The following SLC8A3 variants were observed in gnomAD, a reference collection of about 807,000 sequenced individuals.
SLC8A3 encodes sodium/calcium exchanger 3.
Under a neutral mutation model 65.4 loss-of-function variants are expected in SLC8A3, and 37 were observed. The observed-to-expected ratio is 0.57, with a 90% CI of 0.44 to 0.74. The LOEUF (loss-of-function observed/expected upper bound fraction) is 0.74, where lower values mean the gene tolerates loss of function less well. SLC8A3 is among the 30% of genes least tolerant of loss of function. The pLI is 0.00. For missense variants in SLC8A3, 1,112 were observed against 1,172.1 expected (o/e 0.95, Z 0.75); for synonymous variants, 461 against 444.5 (o/e 1.04, Z -0.47).
At chr14:70,186,624 A>G (rs1269572871) in intron 1 of SLC8A3, among the ~76,000 whole-genome samples, 1 of 152,164 alleles carries the variant, frequency 6.6e-6, no homozygotes, top group East Asian at 1.9e-4. Flanking sequence ...TCTACATTTC[A>G]TTTAAAGAAA....
At chr14:70,170,388 T>A (rs1239410662) in intron 1 of SLC8A3, among the ~76,000 whole-genome samples, 3 of 152,226 alleles carry the variant, frequency 2.0e-5, no homozygotes, top group Admixed American at 2.0e-4. Flanking sequence ...GAGGGTTTCT[T>A]CTTTGCACTC....
intron 2 of SLC8A3, among the ~76,000 whole-genome samples, chr14:70,115,998 G>A (rs971638628): frequency 6.6e-6 from 1 of 152,096 alleles, no homozygotes; most frequent in East Asian, 1.9e-4. Context: ...TTTGTCAGAC[G>A]CCTTCCAATG....
intron 3 of SLC8A3, among the ~76,000 whole-genome samples, 155 bp from the exon 4 acceptor site, chr14:70,052,269 T>C (rs546220816): frequency 2.3e-4 from 35 of 152,348 alleles, no homozygotes; most frequent in African/African-American, 7.9e-4. Context: ...TATGAAGTAC[T>C]AAACACTTTA....
chr14:70,168,560 C>T (rs1435059068), intron 1 of SLC8A3, 76 bp from the exon 2 acceptor site: 2 of 637,316 alleles, frequency 3.1e-6, no homozygotes, highest in Non-Finnish European at 5.5e-6. Flanking sequence ...ACCAATACAA[C>T]TGATGCTTCA....
At chr14:70,053,566 T>C (rs1041200011) in intron 3 of SLC8A3, among the ~76,000 whole-genome samples, 3 of 152,236 alleles carry the variant, frequency 2.0e-5, no homozygotes, top group Non-Finnish European at 4.4e-5. Flanking sequence ...ACTTTACATG[T>C]GACACAATAA....
intron 2 of SLC8A3, among the ~76,000 whole-genome samples, chr14:70,124,281 A>G (rs762047625): frequency 2.6e-5 from 4 of 152,164 alleles, no homozygotes; most frequent in Non-Finnish European, 2.9e-5. Flanking sequence ...GTCTGCTCTA[A>G]ATCCAGTGAC....
chr14:70,055,877 T>C, intron 3 of SLC8A3: 1 of 1,467,042 alleles, frequency 6.8e-7, no homozygotes, highest in Non-Finnish European at 9.4e-7. Flanking sequence ...ATGTCCCATC[T>C]TGAAAGTATC....
intron 2 of SLC8A3, among the ~76,000 whole-genome samples, chr14:70,098,590 G>A (rs3861683): frequency 0.19 from 28,735 of 152,088 alleles, 2,868 homozygotes; most frequent in Non-Finnish European, 0.22. Flanking sequence ...GCCCAGCAGC[G>A]CTTTCTGGAA....
intron 2 of SLC8A3, among the ~76,000 whole-genome samples, chr14:70,081,423 A>T (rs1891042819): frequency 6.6e-6 from 1 of 152,204 alleles, no homozygotes; most frequent in South Asian, 2.1e-4. Context: ...AAATTGCATC[A>T]CCTATCTCTT....
chr14:70,050,561 A>C lies in SLC8A3; in HGVS notation c.2113+447T>G, dbSNP rs375125005. 1.6e-4 allele frequency among the ~76,000 whole-genome samples: 24 copies of C among 152,270 alleles called. No individual in the cohort carries two copies. In the East Asian group the frequency reaches 4.6e-3, roughly 29 times the overall value. ...GGAATCATCCAGAGTGTTTTGTTGG[A>C]GAGTCAATGCAACACATTTTATAAA... On this transcript the variant is annotated intron_variant, in intron 5 of 6. Coordinates refer to ENST00000356921, the MANE Select transcript of SLC8A3 (RefSeq NM_182932.3).
Position 70,168,040 on chromosome 14 carries a change from A to T in SLC8A3, c.383T>A (p.Val128Asp), listed in dbSNP as rs542041616. 6.2e-7 allele frequency: 1 copy of T among 1,614,018 alleles called. No homozygotes were observed. Among genetic ancestry groups the T allele is most frequent in the Non-Finnish European group, 8.5e-7 (1 of 1,180,004 alleles). The change falls in exon 2 of 7, where the codon GTC (valine) becomes GAC (aspartate). Residue 128 changes from valine to aspartate, a missense_variant. Physicochemically the swap from Val to Asp is radical, Grantham distance 152. Coordinates refer to ENST00000356921, the MANE Select transcript of SLC8A3 (RefSeq NM_182932.3). ...NGETSTTTIR[V>D]WNETVSNLTL... ...CAGGTTGGAGACAGTTTCATTCCAG[A>T]CCCGAATAGTGGTTGTGCTGGTTTC...
At chr14:70,115,209 C>T (rs1056331251) in intron 2 of SLC8A3, among the ~76,000 whole-genome samples, 3 of 152,144 alleles carry the variant, frequency 2.0e-5, no homozygotes, top group Non-Finnish European at 4.4e-5. Context: ...TAGACCCCAG[C>T]GCAGCGCACT....
intron 2 of SLC8A3, among the ~76,000 whole-genome samples, chr14:70,146,004 G>A (rs970939381): frequency 1.3e-5 from 2 of 152,118 alleles, no homozygotes; most frequent in Non-Finnish European, 2.9e-5. Context: ...AGGCCCAGAA[G>A]ACAGCATGTC....
In SLC8A3 at chr14:70,167,211, A is replaced by T. The variant is rs1369551372; in HGVS notation, c.1212T>A (p.Ser404=). ...CCCCACAGTTCTCCAGGCACTGGTA[A>T]GAACATGGGTCAAAGAAGACCTTGG... The part of the protein sequence containing the change: ...FISKVFFDPC[S]YQCLENCGAV... Residue 404 remains serine (S), a synonymous_variant, in exon 2 of 7, where the codon TCT becomes TCA. Coordinates refer to ENST00000356921, the MANE Select transcript of SLC8A3 (RefSeq NM_182932.3). The T allele has an allele frequency of 1.2e-6, 2 of 1,614,160 alleles. No individual in the cohort carries two copies. Among genetic ancestry groups the T allele is most frequent in the Non-Finnish European group, 1.7e-6 (2 of 1,180,012 alleles).
chr14:70,102,863 TAG>T (rs1166630526), intron 2 of SLC8A3, among the ~76,000 whole-genome samples: 2 of 150,504 alleles, frequency 1.3e-5, no homozygotes, highest in Non-Finnish European at 3.0e-5. Context: ...CCAAAGAGAG[TAG>T]AAAGAATGGA....
intron 2 of SLC8A3, among the ~76,000 whole-genome samples, chr14:70,105,242 T>C (rs1465544270): frequency 1.3e-5 from 2 of 152,104 alleles, no homozygotes; most frequent in Non-Finnish European, 2.9e-5. Flanking sequence ...GGCAGGAGAA[T>C]GGCGTGAACC....
At position 70,152,965 on chromosome 14, in the gene SLC8A3, G is replaced by A. The variant is rs149689595; in HGVS notation, c.1784+13674C>T. On this transcript the variant is annotated intron_variant, in intron 2 of 6. Transcript: ENST00000356921. ...GCATCAAAGGCAGCCCAGGCTCAGA[G>A]GTAGCTGAGCAGCACAGAAACACCC... Among the ~76,000 whole-genome samples the A allele has an allele frequency of 6.4e-4, 98 of 152,326 alleles. No homozygotes were observed. The East Asian group carries it at 0.014, about 21-fold the overall frequency.
chr14:70,110,298 T>G (rs1473574623), intron 2 of SLC8A3, among the ~76,000 whole-genome samples: 1 of 152,070 alleles, frequency 6.6e-6, no homozygotes, highest in Non-Finnish European at 1.5e-5. Context: ...ATTCTTTCTG[T>G]TTTTGTACCA....
At chr14:70,070,397 T>G (rs1379732002) in intron 2 of SLC8A3, among the ~76,000 whole-genome samples, 1 of 152,148 alleles carries the variant, frequency 6.6e-6, no homozygotes, top group Non-Finnish European at 1.5e-5. Context: ...TTCCCACACA[T>G]GAAGAACCAG....
Sources: allele counts gnomAD v4.1 joint callset (sites outside exome capture counted in the v4.1 genomes callset), GRCh38; gene constraint gnomAD v4.1.1; transcripts MANE v1.5; gene names NCBI Gene and HGNC (gene_info 2026-07-23, HGNC 2026-07-21).